MBNL2: variants seen among roughly 807,000 people sequenced by gnomAD.
MBNL2 encodes muscleblind like splicing regulator 2.
Under a neutral mutation model 41.9 loss-of-function variants are expected in MBNL2, and 17 were observed. The ratio of observed to expected loss-of-function variants is 0.41; its 90% CI spans 0.28 to 0.61. The LOEUF is 0.61. MBNL2 is among the 20% of genes least tolerant of loss of function. MBNL2 has a pLI of 0.35. For missense variants in MBNL2, 336 were observed against 505.6 expected (o/e 0.66, Z 3.22); for synonymous variants, 195 against 182.9 (o/e 1.07, Z -0.53).
the MBNL2 span, among the ~76,000 whole-genome samples, chr13:97,158,296 A>G: frequency 6.7e-6 from 1 of 148,752 alleles, no homozygotes; most frequent in African/African-American, 2.5e-5. Context: ...TTTTTTCTTT[A>G]TTAGTCTTGC....
chr13:97,372,614 T>G (rs759046969), intron 8 of MBNL2, among the ~76,000 whole-genome samples: 7 of 152,212 alleles, frequency 4.6e-5, no homozygotes, highest in Non-Finnish European at 7.3e-5. Context: ...TGACATAGTT[T>G]TATTATATAT....
chr13:97,212,844 AC>A, the MBNL2 span, among the ~76,000 whole-genome samples: 1 of 152,224 alleles, frequency 6.6e-6, no homozygotes, highest in Non-Finnish European at 1.5e-5. Context: ...GATGAGTAAC[AC>A]ATTTTCCAGA....
chr13:97,376,225 G>A (rs1466706508), intron 8 of MBNL2, among the ~76,000 whole-genome samples: 4 of 152,148 alleles, frequency 2.6e-5, no homozygotes, highest in Non-Finnish European at 5.9e-5. Context: ...GAGGCTCCAT[G>A]ATCCCTGGCT....
intron 1 of MBNL2, among the ~76,000 whole-genome samples, chr13:97,243,906 A>G (rs2044864640): frequency 6.6e-6 from 1 of 152,046 alleles, no homozygotes; most frequent in East Asian, 1.9e-4. Context: ...TGGCAGGAGA[A>G]AAAAGGTAGA....
At chr13:97,309,942 G>A (rs2058438360) in intron 2 of MBNL2, among the ~76,000 whole-genome samples, 1 of 152,178 alleles carries the variant, frequency 6.6e-6, no homozygotes, top group Non-Finnish European at 1.5e-5. Flanking sequence ...GCACAGAGAA[G>A]GACTATCTGT....
chr13:97,349,653 G>A (rs929654929), intron 5 of MBNL2, among the ~76,000 whole-genome samples: 3 of 152,242 alleles, frequency 2.0e-5, no homozygotes, highest in Non-Finnish European at 4.4e-5. Flanking sequence ...CCAGCCTCCC[G>A]AGGAGCTGGG....
Position 97,356,926 on chromosome 13 carries a change from A to C in MBNL2, c.858+77A>C, listed in dbSNP as rs539855321. Reference sequence around the variant, plus strand: ...CTGAGATTTGTATTACTTGTAAAATACTGGTTGCAAACAATCATTATTATT... The same window carrying C: ...CTGAGATTTGTATTACTTGTAAAATCCTGGTTGCAAACAATCATTATTATT... On this transcript the variant is annotated intron_variant, in intron 6 of 8. Coordinates refer to ENST00000679496, the MANE Select transcript of MBNL2 (RefSeq NM_001382683.1). The C allele has an allele frequency of 1.1e-4, 99 of 896,066 alleles. 1 individual carries two copies. In the Admixed American group the frequency reaches 2.2e-3, roughly 20 times the overall value. The allele number at this position is 896,066 out of a possible 1,614,324, so 55.5% of individuals were successfully genotyped here.
Position 97,366,836 on chromosome 13 carries a change from C to G in MBNL2, c.1048+1665C>G, listed in dbSNP as rs561442964. 2.2e-6 allele frequency: 1 copy of G among 461,848 alleles called. No homozygotes were observed. Among genetic ancestry groups the G allele is most frequent in the Non-Finnish European group, 4.0e-6 (1 of 253,016 alleles). The allele number at this position is 461,848 out of a possible 1,614,324, so 28.6% of individuals were successfully genotyped here. A position where few individuals can be genotyped will look rare whatever the true frequency, so the allele number is the denominator to read the frequency against. On this transcript the variant is annotated intron_variant, in intron 8 of 8. Transcript: ENST00000679496. This position sits in a 1 kb window ranked among gnomAD's most constrained non-coding sequence, Gnocchi z 4.7. Reference sequence around the variant, plus strand: ...TTAAATTCCTTTTAGTACAGCATTACCTATCCAGTGGTTTGTGAATGGCCA... The same window carrying G: ...TTAAATTCCTTTTAGTACAGCATTAGCTATCCAGTGGTTTGTGAATGGCCA...
intron 5 of MBNL2, among the ~76,000 whole-genome samples, chr13:97,354,110 G>A (rs2062767383): frequency 2.0e-5 from 3 of 151,710 alleles, no homozygotes; most frequent in Admixed American, 2.0e-4. Flanking sequence ...CACCAAGCTG[G>A]AGAGGCCCAG....
intron 2 of MBNL2, among the ~76,000 whole-genome samples, chr13:97,311,092 G>A (rs1286496819): frequency 3.3e-5 from 5 of 152,106 alleles, no homozygotes; most frequent in African/African-American, 9.7e-5. Context: ...AATAATTCCA[G>A]TTACACTGAG....
the MBNL2 span, among the ~76,000 whole-genome samples, chr13:97,202,037 T>C: frequency 1.3e-5 from 2 of 152,242 alleles, no homozygotes; most frequent in Admixed American, 6.5e-5. Context: ...ACTGGAGGCT[T>C]TTAATGAATT....
At chr13:97,234,927 G>A (rs1300908687) in intron 1 of MBNL2, among the ~76,000 whole-genome samples, 1 of 152,238 alleles carries the variant, frequency 6.6e-6, no homozygotes, top group Non-Finnish European at 1.5e-5. Context: ...AAGGTCACTG[G>A]AGGAACTAAT....
intron 2 of MBNL2, among the ~76,000 whole-genome samples, chr13:97,302,854 GA>G (rs1397334434): frequency 6.6e-6 from 1 of 152,146 alleles, no homozygotes; most frequent in Non-Finnish European, 1.5e-5. Flanking sequence ...AGAAGGGAGG[GA>G]GGGGCACTGA....
chr13:97,265,370 TTATATTAA>T (rs1290756893), intron 1 of MBNL2, among the ~76,000 whole-genome samples: 1 of 152,228 alleles, frequency 6.6e-6, no homozygotes, highest in Non-Finnish European at 1.5e-5. Context: ...TTTATTTCCC[TTATATTAA>T]TATATCTGAA....
chr13:97,266,696 A>G (rs978063274), intron 1 of MBNL2, among the ~76,000 whole-genome samples: 3 of 152,252 alleles, frequency 2.0e-5, no homozygotes, highest in African/African-American at 7.2e-5. Context: ...TGAGCCACTC[A>G]CAGGAAGGAA....
chr13:97,368,813 G>A (rs1012747713), intron 8 of MBNL2, among the ~76,000 whole-genome samples: 1 of 151,868 alleles, frequency 6.6e-6, no homozygotes, highest in Non-Finnish European at 1.5e-5. Context: ...TTTCAGGAAG[G>A]GTGCGAGTGG....
the MBNL2 span, among the ~76,000 whole-genome samples, chr13:97,200,847 G>A: frequency 6.6e-6 from 1 of 152,162 alleles, no homozygotes; most frequent in Non-Finnish European, 1.5e-5. Context: ...CTTTAGGGAG[G>A]TAGACTGAGT....
intron 2 of MBNL2, among the ~76,000 whole-genome samples, chr13:97,299,962 G>C (rs1169375984): frequency 6.6e-6 from 1 of 152,120 alleles, no homozygotes; most frequent in African/African-American, 2.4e-5. Flanking sequence ...CAGGATGTTG[G>C]GGGTGTTCTT....
intron 1 of MBNL2, among the ~76,000 whole-genome samples, chr13:97,273,693 A>G (rs999211900): frequency 6.6e-6 from 1 of 152,216 alleles, no homozygotes; most frequent in East Asian, 1.9e-4. Flanking sequence ...TAAATGTTCC[A>G]TCATCAGATA....
Sources: allele counts gnomAD v4.1 joint callset (sites outside exome capture counted in the v4.1 genomes callset), GRCh38; gene constraint gnomAD v4.1.1; non-coding constraint Gnocchi (gnomAD v3.1); transcripts MANE v1.5; gene names NCBI Gene and HGNC (gene_info 2026-07-23, HGNC 2026-07-21).